The following LRP2 variants were observed in gnomAD, a reference collection of about 807,000 sequenced individuals.
The protein encoded by LRP2 is low-density lipoprotein receptor-related protein 2.
In LRP2, 172 loss-of-function variants were observed where a neutral mutation model predicts 531.0. The observed-to-expected ratio is 0.32, with a 90% CI of 0.29 to 0.37. The LOEUF is 0.37. LRP2 is among the 10% of genes least tolerant of loss of function. The pLI is 1.00. For synonymous variants in LRP2, 1,992 were observed against 2,027.6 expected (o/e 0.98, Z 0.47); for missense variants, 5,167 against 5,868.3 (o/e 0.88, Z 3.90).
At chr2:169,142,300 T>C (rs1247197720) in intron 71 of LRP2, among the ~76,000 whole-genome samples, 1 of 152,214 alleles carries the variant, frequency 6.6e-6, no homozygotes, top group African/African-American at 2.4e-5. Context: ...AAACTGGACA[T>C]GGTTCTCTAC....
intron 36 of LRP2, 109 bp from the exon 37 acceptor site, chr2:169,212,316 CA>C: frequency 7.2e-7 from 1 of 1,388,588 alleles, no homozygotes; most frequent in East Asian, 2.3e-5. Context: ...AATTAATAAC[CA>C]ACATATAGTA....
intron 47 of LRP2, 126 bp from the exon 48 acceptor site, chr2:169,192,159 T>C (rs1351465029): frequency 2.1e-5 from 13 of 607,614 alleles, no homozygotes; most frequent in Non-Finnish European, 3.7e-5. Flanking sequence ...GTAGACAAAT[T>C]ACACTGCTAT....
chr2:169,331,767 C>G (rs1574266067), intron 1 of LRP2, among the ~76,000 whole-genome samples: 1 of 152,190 alleles, frequency 6.6e-6, no homozygotes, highest in East Asian at 1.9e-4. Flanking sequence ...ACACCCTGTG[C>G]AAAAACTACA....
At chr2:169,300,266 T>C (rs1384734057) in intron 4 of LRP2, among the ~76,000 whole-genome samples, 2 of 151,954 alleles carry the variant, frequency 1.3e-5, no homozygotes, top group African/African-American at 4.8e-5. Context: ...AAAAAAAACT[T>C]GCAAAAATAG....
rs1258940800 is a variant in LRP2 at position 169,259,347 on chromosome 2, A to T, written c.2321-130T>A. 1 of 2,842 alleles carries T rather than the reference A, an allele frequency of 3.5e-4. No individual in the cohort carries two copies. Among genetic ancestry groups the T allele is most frequent in the South Asian group, 0.014 (1 of 74 alleles). 0.2% of individuals were successfully genotyped at this position (2,842 alleles called of 1,614,324 possible). ...TCAGGAACACATGTGGAATTCTTTA[A>T]AAAAAAAAAAAAAAAAAAACTCTGT... On this transcript the variant is annotated intron_variant, in intron 16 of 78. Coordinates refer to ENST00000649046, the MANE Select transcript of LRP2 (RefSeq NM_004525.3).
Position 169,226,366 on chromosome 2 carries a change from T to A in LRP2, c.5394+56A>T, listed in dbSNP as rs1055822725. On this transcript the variant is annotated intron_variant, in intron 32 of 78. Transcript: ENST00000649046. ...AAGTTTGCTTATAAGAAAACATCAG[T>A]GCAGGCAGGCTCTTCAAGAATAAAT... 2.1e-6 allele frequency: 3 copies of A among 1,405,544 alleles called. No individual in the cohort carries two copies. In the East Asian group the frequency reaches 6.8e-5, roughly 32 times the overall value. 87.1% of individuals were successfully genotyped at this position (1,405,544 alleles called of 1,614,324 possible).
intron 31 of LRP2, among the ~76,000 whole-genome samples, chr2:169,228,363 T>A (rs1256388493): frequency 6.6e-6 from 1 of 151,986 alleles, no homozygotes; most frequent in Non-Finnish European, 1.5e-5. Context: ...ACCAAGAAAT[T>A]ATATTGAGAT....
At chr2:169,269,099 A>G (rs1273057155) in intron 16 of LRP2, among the ~76,000 whole-genome samples, 2 of 152,230 alleles carry the variant, frequency 1.3e-5, no homozygotes, top group African/African-American at 2.4e-5. Context: ...CAGCAAAATA[A>G]AAGAGGACAC....
intron 25 of LRP2, among the ~76,000 whole-genome samples, chr2:169,240,273 G>A (rs768358833): frequency 1.3e-5 from 2 of 152,176 alleles, no homozygotes; most frequent in African/African-American, 4.8e-5. Context: ...GTAACATATC[G>A]TCATGCCTTA....
At chr2:169,301,698 A>C (rs967368588) in intron 4 of LRP2, among the ~76,000 whole-genome samples, 1 of 152,028 alleles carries the variant, frequency 6.6e-6, no homozygotes, top group African/African-American at 2.4e-5. Flanking sequence ...CTTCCTCACC[A>C]TCTCGAACAT....
chr2:169,209,204 T>G, intron 38 of LRP2, among the ~76,000 whole-genome samples: 1 of 152,228 alleles, frequency 6.6e-6, no homozygotes, highest in Non-Finnish European at 1.5e-5. Flanking sequence ...TTTAGCCACT[T>G]TTGTCTCCAG....
intron 1 of LRP2, among the ~76,000 whole-genome samples, chr2:169,342,447 T>C (rs150724572): frequency 1.3e-3 from 193 of 152,304 alleles, no homozygotes; most frequent in Middle Eastern, 0.01. Flanking sequence ...AGTAATCCTC[T>C]AACTTAACTA....
chr2:169,294,303 A>G (rs757066502), intron 5 of LRP2, 42 bp from the exon 6 acceptor site: 1 of 1,164,624 alleles, frequency 8.6e-7, no homozygotes, highest in South Asian at 1.2e-5. Flanking sequence ...GAGAGAAGTT[A>G]ACTCCATTGT....
chr2:169,137,534 A>AGAG, intron 75 of LRP2, 41 bp from the exon 76 acceptor site: 2 of 1,276,944 alleles, frequency 1.6e-6, no homozygotes, highest in Non-Finnish European at 2.3e-6. Context: ...AGAGAGAGAG[A>AGAG]AACAGAGAGA....
chr2:169,327,997 AC>A (rs1448503387), intron 1 of LRP2, among the ~76,000 whole-genome samples: 1 of 56,096 alleles, frequency 1.8e-5, no homozygotes, highest in Non-Finnish European at 3.4e-5. Flanking sequence ...GGTTAGCCCC[AC>A]GTCCGGGAGG....
intron 35 of LRP2, 122 bp downstream of exon 35, chr2:169,216,131 G>A: frequency 9.4e-7 from 1 of 1,059,082 alleles, no homozygotes; most frequent in Non-Finnish European, 1.4e-6. Flanking sequence ...AAGGGGCAAT[G>A]AAACACTGGT....
At chr2:169,142,514 G>A (rs142909382) in intron 71 of LRP2, among the ~76,000 whole-genome samples, 160 bp downstream of exon 71, 1 of 152,280 alleles carries the variant, frequency 6.6e-6, no homozygotes, top group Non-Finnish European at 1.5e-5. Context: ...TGCCCCCTAA[G>A]TCCCACTCAA....
chr2:169,151,102 GA>G, intron 67 of LRP2, 76 bp from the exon 68 acceptor site: 1 of 1,517,942 alleles, frequency 6.6e-7, no homozygotes, highest in Non-Finnish European at 9.1e-7. Context: ...TTGAAGATGA[GA>G]GCATTTCGTT....
chr2:169,204,292 ATTTAG>A (rs757709212), intron 41 of LRP2, 21 bp from the exon 42 acceptor site: 2 of 1,606,714 alleles, frequency 1.2e-6, no homozygotes, highest in South Asian at 2.2e-5. Context: ...GCAAAAAAAA[ATTTAG>A]AAGTTGAAAT....
Sources: allele counts gnomAD v4.1 joint callset (sites outside exome capture counted in the v4.1 genomes callset), GRCh38; gene constraint gnomAD v4.1.1; transcripts MANE v1.5; gene names NCBI Gene and HGNC (gene_info 2026-07-23, HGNC 2026-07-21).